Variants in SHISA9 observed in about 807,000 individuals in gnomAD.
SHISA9 encodes protein shisa-9.
Under a neutral mutation model 38.0 loss-of-function variants are expected in SHISA9, and 13 were observed. The observed-to-expected ratio is 0.34, with a 90% CI of 0.22 to 0.54. SHISA9 has a LOEUF of 0.54. Among genes scored for constraint, SHISA9 ranks in the 20% least tolerant of loss-of-function variants. The pLI, the probability that SHISA9 is intolerant of heterozygous loss-of-function variation, is 0.91. For synonymous variants in SHISA9, 275 were observed against 242.0 expected (o/e 1.14, Z -1.27); for missense variants, 538 against 575.8 (o/e 0.93, Z 0.67).
the SHISA9 span, among the ~76,000 whole-genome samples, chr16:13,456,275 C>T: frequency 6.6e-6 from 1 of 152,180 alleles, no homozygotes; most frequent in African/African-American, 2.4e-5. Context: ...GCACTTCAAC[C>T]TGTTTCCCAC....
chr16:13,182,764 G>T (rs1052470781), intron 2 of SHISA9, among the ~76,000 whole-genome samples: 1 of 151,948 alleles, frequency 6.6e-6, no homozygotes, highest in African/African-American at 2.4e-5. Context: ...TTGAGAGAGG[G>T]AGATATTGTG....
At chr16:13,146,987 A>G (rs1435937255) in intron 2 of SHISA9, among the ~76,000 whole-genome samples, 3 of 152,146 alleles carry the variant, frequency 2.0e-5, no homozygotes, top group Admixed American at 6.6e-5. Context: ...GAATCTATCA[A>G]TTGCTCAACA....
At chr16:12,964,113 C>G (rs185558516) in intron 2 of SHISA9, among the ~76,000 whole-genome samples, 4 of 152,260 alleles carry the variant, frequency 2.6e-5, no homozygotes, top group Admixed American at 2.6e-4. Context: ...TAGGTCTGTT[C>G]TGAATATGTT....
At chr16:13,083,702 T>C (rs2073679526) in intron 2 of SHISA9, among the ~76,000 whole-genome samples, 1 of 152,180 alleles carries the variant, frequency 6.6e-6, no homozygotes, top group African/African-American at 2.4e-5. Flanking sequence ...TCATTGACTA[T>C]GGGCTGCCTT....
intron 2 of SHISA9, among the ~76,000 whole-genome samples, chr16:13,099,672 G>A (rs902495514): frequency 2.0e-5 from 3 of 152,146 alleles, no homozygotes; most frequent in Non-Finnish European, 4.4e-5. Context: ...GACCCCGATG[G>A]GCAGCGGGGA....
intron 2 of SHISA9, among the ~76,000 whole-genome samples, chr16:13,024,166 C>G (rs1474731860): frequency 6.6e-6 from 1 of 152,224 alleles, no homozygotes; most frequent in East Asian, 1.9e-4. Context: ...GTAGCTCAAG[C>G]ACCTACAGAA....
the SHISA9 span, chr16:13,258,474 T>G: frequency 1.3e-5 from 2 of 152,242 alleles, no homozygotes; most frequent in East Asian, 1.9e-4. Flanking sequence ...TTCTACTTAG[T>G]CATTAATTCA....
the SHISA9 span, among the ~76,000 whole-genome samples, chr16:13,519,927 G>A: frequency 6.6e-6 from 1 of 152,068 alleles, no homozygotes. Flanking sequence ...ATGAGATTTG[G>A]GTGGGGACAC....
At chr16:13,500,486 T>C in the SHISA9 span, among the ~76,000 whole-genome samples, 93 of 152,092 alleles carry the variant, frequency 6.1e-4, no homozygotes, top group African/African-American at 2.1e-3. Context: ...TGGAAGGAAA[T>C]AGCAGTTAAT....
At chr16:13,074,213 AC>A (rs1021976577) in intron 2 of SHISA9, among the ~76,000 whole-genome samples, 1 of 151,160 alleles carries the variant, frequency 6.6e-6, no homozygotes, top group African/African-American at 2.4e-5. Flanking sequence ...CAGGTGATCC[AC>A]CCCCCTCGGC....
intron 2 of SHISA9, among the ~76,000 whole-genome samples, chr16:13,194,644 T>C (rs1192091327): frequency 2.0e-5 from 3 of 152,164 alleles, no homozygotes; most frequent in African/African-American, 7.2e-5. Context: ...ACTTCTGTAA[T>C]AAATCTCAAT....
the SHISA9 span, among the ~76,000 whole-genome samples, chr16:13,440,826 G>A: frequency 6.6e-6 from 1 of 152,062 alleles, no homozygotes; most frequent in African/African-American, 2.4e-5. Context: ...GGAGGCTGAG[G>A]CAGGAGAGTC....
intron 2 of SHISA9, among the ~76,000 whole-genome samples, chr16:12,976,256 T>A (rs1462958084): frequency 1.3e-5 from 2 of 151,944 alleles, no homozygotes; most frequent in Non-Finnish European, 2.9e-5. Flanking sequence ...CTCAGCTAAC[T>A]TTTTTTGTAT....
At chr16:13,447,181 C>T in the SHISA9 span, among the ~76,000 whole-genome samples, 2 of 152,074 alleles carry the variant, frequency 1.3e-5, no homozygotes, top group Non-Finnish European at 2.9e-5. Flanking sequence ...CTGAAGACAC[C>T]ACCCTGTCCC....
chr16:12,995,956 C>T (rs1376771641), intron 2 of SHISA9, among the ~76,000 whole-genome samples: 3 of 152,090 alleles, frequency 2.0e-5, no homozygotes, highest in Non-Finnish European at 4.4e-5. Flanking sequence ...TGGTTTGTGC[C>T]CATGTCCCTG....
rs74014610 is a variant in SHISA9 at position 13,224,019 on chromosome 16, G to A, written c.895+10719G>A. 6.7e-3 allele frequency among the ~76,000 whole-genome samples: 1,024 copies of A among 152,278 alleles called. 13 individuals carry two copies. The highest frequency in any genetic ancestry group is 0.023 in the African/African-American group (972 of 41,556). ...AACAGCCAAAGCTCTCTGAGCCTCAGTTTCCCTACTTATAAAATAAAACCA... is the reference window on the plus strand; with the variant it reads ...AACAGCCAAAGCTCTCTGAGCCTCAATTTCCCTACTTATAAAATAAAACCA... On this transcript the variant is annotated intron_variant, in intron 4 of 4. Transcript: ENST00000558583.
At chr16:13,389,393 A>G in the SHISA9 span, among the ~76,000 whole-genome samples, 1 of 152,146 alleles carries the variant, frequency 6.6e-6, no homozygotes, top group Non-Finnish European at 1.5e-5. Context: ...TTATGGCTTG[A>G]TAACTCATTT....
intron 2 of SHISA9, among the ~76,000 whole-genome samples, chr16:12,924,468 C>A (rs12918163): frequency 0.25 from 37,592 of 151,868 alleles, 5,223 homozygotes; most frequent in Non-Finnish European, 0.31. Context: ...AGGTTTGATT[C>A]TTTTCTAGGA....
chr16:13,047,348 A>G (rs1216784395), intron 2 of SHISA9, among the ~76,000 whole-genome samples: 4 of 152,212 alleles, frequency 2.6e-5, no homozygotes, highest in Middle Eastern at 3.4e-3. Flanking sequence ...AAGATCAGGA[A>G]AATTCCTGGG....
Sources: allele counts gnomAD v4.1 joint callset (sites outside exome capture counted in the v4.1 genomes callset), GRCh38; gene constraint gnomAD v4.1.1; transcripts MANE v1.5; gene names NCBI Gene and HGNC (gene_info 2026-07-23, HGNC 2026-07-21).